The following FBXL17 variants were observed in gnomAD, a reference collection of about 807,000 sequenced individuals.
FBXL17 encodes the protein F-box/LRR-repeat protein 17.
FBXL17 carries 22 observed loss-of-function variants against 66.2 expected under a neutral mutation model. The ratio of observed to expected loss-of-function variants is 0.33; its 90% CI spans 0.24 to 0.47. The LOEUF (loss-of-function observed/expected upper bound fraction) is 0.47. Among genes scored for constraint, FBXL17 ranks in the 20% least tolerant of loss-of-function variants. The pLI is 1.00. For synonymous variants in FBXL17, 474 were observed against 400.5 expected, an observed-to-expected ratio of 1.18 and a Z score of -2.19; for missense variants, 878 against 948.2, an observed-to-expected ratio of 0.93 and a Z score of 0.97.
At chr5:108,201,853 T>TAA (rs55995911) in intron 5 of FBXL17, among the ~76,000 whole-genome samples, 7,097 of 129,378 alleles carry the variant, frequency 0.055, 329 homozygotes, top group African/African-American at 0.12. Flanking sequence ...AATTTGAAAG[T>TAA]AAAAAAAAAA....
chr5:107,972,463 A>G (rs544956407), intron 7 of FBXL17, among the ~76,000 whole-genome samples: 1 of 152,284 alleles, frequency 6.6e-6, no homozygotes, highest in Non-Finnish European at 1.5e-5. Context: ...AACATCTTCA[A>G]AGTCTGTATT....
intron 6 of FBXL17, among the ~76,000 whole-genome samples, chr5:108,128,839 C>T (rs754550715): frequency 6.6e-6 from 1 of 152,018 alleles, no homozygotes; most frequent in Non-Finnish European, 1.5e-5. Context: ...GGAAAACAAA[C>T]TTTTCAAAAG....
chr5:108,274,533 C>T (rs1395705846), intron 4 of FBXL17, among the ~76,000 whole-genome samples: 3 of 152,116 alleles, frequency 2.0e-5, no homozygotes, highest in African/African-American at 7.2e-5. Flanking sequence ...ACATGCTGTA[C>T]AATTTGTGCA....
At chr5:108,127,998 C>A (rs1185015415) in intron 6 of FBXL17, among the ~76,000 whole-genome samples, 14 of 152,080 alleles carry the variant, frequency 9.2e-5, no homozygotes, top group African/African-American at 3.4e-4. Flanking sequence ...ATAATCCTAG[C>A]ACTTTGGGAG....
intron 7 of FBXL17, among the ~76,000 whole-genome samples, chr5:107,957,922 T>A (rs1751726047): frequency 6.6e-6 from 1 of 152,146 alleles, no homozygotes; most frequent in African/African-American, 2.4e-5. Flanking sequence ...GGAGCAGACA[T>A]CAACACAGGC....
intron 4 of FBXL17, among the ~76,000 whole-genome samples, chr5:108,271,341 T>A (rs2150137910): frequency 6.6e-6 from 1 of 152,258 alleles, no homozygotes; most frequent in East Asian, 1.9e-4. Flanking sequence ...CAGCCCAACA[T>A]CTGTTTGATT....
intron 6 of FBXL17, among the ~76,000 whole-genome samples, chr5:108,100,089 T>C (rs1160143608): frequency 2.6e-5 from 4 of 152,182 alleles, no homozygotes; most frequent in Non-Finnish European, 5.9e-5. Flanking sequence ...ATACTATTTA[T>C]AGTATGATTT....
At chr5:108,211,768 T>G (rs992052680) in intron 5 of FBXL17, among the ~76,000 whole-genome samples, 2 of 152,220 alleles carry the variant, frequency 1.3e-5, no homozygotes, top group Admixed American at 6.5e-5. Context: ...CATTTTTTCC[T>G]TCATTTCAAC....
At chr5:108,380,621 G>A (rs1355113127) in intron 1 of FBXL17, 78 bp downstream of exon 1, 2 of 932,878 alleles carry the variant, frequency 2.1e-6, no homozygotes, top group Non-Finnish European at 2.8e-6. Context: ...CGCTTAGGGG[G>A]AGGAGAGAGA....
chr5:107,909,543 A>C (rs972158490), intron 7 of FBXL17, among the ~76,000 whole-genome samples: 2 of 152,186 alleles, frequency 1.3e-5, no homozygotes, highest in African/African-American at 4.8e-5. Flanking sequence ...GAGGCCTTTG[A>C]AACATTTTGC....
chr5:108,354,376 G>A (rs1747830004), intron 3 of FBXL17, among the ~76,000 whole-genome samples: 2 of 151,998 alleles, frequency 1.3e-5, no homozygotes, highest in Non-Finnish European at 2.9e-5. Flanking sequence ...TACATTAGTA[G>A]ATGGGACATG....
Position 107,976,163 on chromosome 5 carries a change from T to C in FBXL17, c.1822+44762A>G, listed in dbSNP as rs900131250. Among the ~76,000 whole-genome samples the C allele has an allele frequency of 6.6e-5, 10 of 152,308 alleles. No homozygotes were observed. The South Asian group carries it at 1.9e-3, about 28-fold the overall frequency. ...TAAGCCATCACACCTGGCCTAAAAG[T>C]CTGTCTTATGTCTACTGGTTATAAG... On this transcript the variant is annotated intron_variant, in intron 7 of 8. Coordinates refer to ENST00000542267, the MANE Select transcript of FBXL17 (RefSeq NM_001163315.3).
intron 6 of FBXL17, among the ~76,000 whole-genome samples, chr5:108,126,667 A>C (rs1269156092): frequency 0.029 from 3,210 of 111,854 alleles, 45 homozygotes; most frequent in Admixed American, 0.039. Context: ...ATATATACAT[A>C]TATATATATA....
chr5:108,377,534 T>C (rs1471735851), intron 1 of FBXL17, among the ~76,000 whole-genome samples: 3 of 152,272 alleles, frequency 2.0e-5, no homozygotes, highest in Non-Finnish European at 4.4e-5. Context: ...GAGGTCACAG[T>C]AGAAGCCCAC....
At chr5:108,344,519 A>AT (rs1468936931) in intron 4 of FBXL17, among the ~76,000 whole-genome samples, 3 of 152,228 alleles carry the variant, frequency 2.0e-5, no homozygotes, top group Admixed American at 6.5e-5. Context: ...AAACACACAC[A>AT]TAACGCATAC....
intron 6 of FBXL17, among the ~76,000 whole-genome samples, chr5:108,184,385 C>T (rs1753138709): frequency 2.0e-5 from 3 of 151,766 alleles, no homozygotes; most frequent in African/African-American, 7.3e-5. Flanking sequence ...CGGCTCACTG[C>T]AAACTCTGCC....
intron 7 of FBXL17, among the ~76,000 whole-genome samples, chr5:107,973,153 C>T (rs529729878): frequency 3.3e-5 from 5 of 151,884 alleles, no homozygotes; most frequent in African/African-American, 9.6e-5. Flanking sequence ...TCAGGGTATA[C>T]TCCATTTTAA....
At chr5:108,190,758 C>T (rs193235409) in intron 5 of FBXL17, among the ~76,000 whole-genome samples, 321 of 152,174 alleles carry the variant, frequency 2.1e-3, no homozygotes, top group African/African-American at 6.9e-3. Context: ...TATTACTGTC[C>T]CCCACACTTC....
intron 6 of FBXL17, among the ~76,000 whole-genome samples, chr5:108,025,727 G>GCGCACACACA (rs370886256): frequency 7.1e-6 from 1 of 141,164 alleles, no homozygotes; most frequent in African/African-American, 2.6e-5. Flanking sequence ...ACGCGCGCGC[G>GCGCACACACA]CACACACACA....
Sources: gnomAD v4.1 joint callset for allele counts (sites outside exome capture counted in the v4.1 genomes callset) on GRCh38, gnomAD v4.1.1 for gene constraint, MANE v1.5 for transcripts, NCBI Gene and HGNC (gene_info 2026-07-23, HGNC 2026-07-21) for gene names.